Variants in DPYSL5 observed in about 807,000 individuals in gnomAD.
The protein encoded by DPYSL5 is dihydropyrimidinase-related protein 5.
A neutral mutation model predicts 58.4 loss-of-function variants in DPYSL5; 9 were observed. That is an observed-to-expected ratio of 0.15 (90% confidence interval 0.09 to 0.27). DPYSL5 has a LOEUF of 0.27. Among genes scored for constraint, DPYSL5 ranks in the 10% least tolerant of loss-of-function variants. DPYSL5 has a pLI of 1.00. For missense variants in DPYSL5, 499 were observed against 770.6 expected (o/e 0.65, Z 4.17); for synonymous variants, 293 against 301.9 (o/e 0.97, Z 0.31).
In DPYSL5 at chr2:26,934,721, A is replaced by C. The variant is rs1364290714; in HGVS notation, c.934A>C (p.Ser312Arg). The stretch of plus-strand genomic sequence containing the variant: ...CACCAACACCTCAACCTACCTCATG[A>C]GCCTGCTGGCCAAGTAAGGCGTTTC... ...LDTNTSTYLM[S>R]LLANDTLNIV... The change falls in exon 8 of 13, where the codon AGC becomes CGC. Residue 312 changes from serine to arginine, a missense_variant. Ser to Arg is a moderately radical substitution (Grantham distance 110). Transcript: ENST00000288699. The surrounding 1 kb of genome is among the most constrained non-coding windows in gnomAD (Gnocchi z 4.3). 1 of 1,613,954 alleles carries C rather than the reference A, an allele frequency of 6.2e-7. No individual in the cohort carries two copies. Among genetic ancestry groups the C allele is most frequent in the Non-Finnish European group, 8.5e-7 (1 of 1,180,014 alleles).
At chr2:26,870,226 T>A (rs1663226723) in intron 1 of DPYSL5, among the ~76,000 whole-genome samples, 1 of 152,232 alleles carries the variant, frequency 6.6e-6, no homozygotes. Context: ...CGTGTCTTTA[T>A]TACACTTGAG....
At chr2:26,941,679 CAGG>C (rs767862434) in intron 9 of DPYSL5, among the ~76,000 whole-genome samples, 8 of 152,222 alleles carry the variant, frequency 5.3e-5, no homozygotes, top group Non-Finnish European at 7.3e-5. Flanking sequence ...GTTTTACAAA[CAGG>C]AGGCAGATTT....
At chr2:26,928,704 TACACACACACAC>T (rs1553320464) in intron 5 of DPYSL5, among the ~76,000 whole-genome samples, 350 of 62,140 alleles carry the variant, frequency 5.6e-3, no homozygotes, top group Middle Eastern at 0.01. Context: ...TATATATATA[TACACACACACAC>T]ATACATATAT....
At chr2:26,855,065 G>A (rs1165712099) in intron 1 of DPYSL5, among the ~76,000 whole-genome samples, 1 of 151,326 alleles carries the variant, frequency 6.6e-6, no homozygotes, top group Non-Finnish European at 1.5e-5. Context: ...TGATCCGCCC[G>A]CCTCAGCTTC....
rs189187554 is a variant in DPYSL5, at chr2:26,855,650, A to G, written c.-5+7396A>G. ...ACATGTTAGTAGTGCCCGGTACTCAATCACACCATCTTTGTGTCACTCCAG... is the reference window on the plus strand; with the variant it reads ...ACATGTTAGTAGTGCCCGGTACTCAGTCACACCATCTTTGTGTCACTCCAG... On this transcript the variant is annotated intron_variant, in intron 1 of 12. Transcript: ENST00000288699. Among the ~76,000 whole-genome samples, 973 of 152,210 alleles carry G rather than the reference A, an allele frequency of 6.4e-3. 8 individuals carry two copies. Among genetic ancestry groups the G allele is most frequent in the Admixed American group, 9.8e-3 (150 of 15,290 alleles).
intron 2 of DPYSL5, among the ~76,000 whole-genome samples, chr2:26,923,596 A>G (rs1319590475): frequency 6.6e-6 from 1 of 152,200 alleles, no homozygotes; most frequent in African/African-American, 2.4e-5. Flanking sequence ...CACCAGAAAA[A>G]GAGTCACTTT....
chr2:26,852,583 T>C (rs1214776479), intron 1 of DPYSL5, among the ~76,000 whole-genome samples: 1 of 152,222 alleles, frequency 6.6e-6, no homozygotes, highest in Non-Finnish European at 1.5e-5. Flanking sequence ...TGTTCTGTAC[T>C]TGTTCCCTCG....
At chr2:26,928,704 T>TATATACACACAAACACACACACACAC in intron 5 of DPYSL5, among the ~76,000 whole-genome samples, 1 of 62,966 alleles carries the variant, frequency 1.6e-5, no homozygotes, top group Admixed American at 1.2e-4. Context: ...TATATATATA[T>TATATACACACAAACACACACACACAC]ACACACACAC....
chr2:26,883,325 A>G (rs1380031463), intron 1 of DPYSL5, among the ~76,000 whole-genome samples: 1 of 152,150 alleles, frequency 6.6e-6, no homozygotes, highest in Non-Finnish European at 1.5e-5. Context: ...CCTACGTACT[A>G]TAATTCCCAT....
intron 5 of DPYSL5, among the ~76,000 whole-genome samples, chr2:26,928,728 TAC>T (rs1558349247): frequency 2.6e-4 from 15 of 57,706 alleles, no homozygotes; most frequent in African/African-American, 8.7e-4. Context: ...TACATATATA[TAC>T]GCACACACAC....
At chr2:26,941,827 C>A in intron 9 of DPYSL5, 123 bp from the exon 10 acceptor site, 2 of 1,315,154 alleles carry the variant, frequency 1.5e-6, no homozygotes, top group South Asian at 2.8e-5. Context: ...ATGGCCTTGT[C>A]CCTTTGTGAC....
chr2:26,888,839 C>T lies in DPYSL5; in HGVS notation c.-4-9657C>T, dbSNP rs377589155. ...GTTTAGGCTGCTTTAACAAAACTAC[C>T]GTAGACTGGGTGGTTTAAACAACAG... On this transcript the variant is annotated intron_variant, in intron 1 of 12. Transcript: ENST00000288699. 3.3e-5 allele frequency among the ~76,000 whole-genome samples: 5 copies of T among 152,150 alleles called. 1 individual carries two copies. The highest frequency in any genetic ancestry group is 1.5e-5 in the Non-Finnish European group (1 of 68,002).
chr2:26,908,527 C>T (rs1280154404), intron 2 of DPYSL5, among the ~76,000 whole-genome samples: 3 of 152,178 alleles, frequency 2.0e-5, no homozygotes, highest in Non-Finnish European at 2.9e-5. Context: ...CTTCTTAGAA[C>T]TGATGTGAAT....
At chr2:26,946,291 C>T (rs964779705) in intron 12 of DPYSL5, among the ~76,000 whole-genome samples, 1 of 152,242 alleles carries the variant, frequency 6.6e-6, no homozygotes, top group African/African-American at 2.4e-5. Context: ...ATCAGGCAGC[C>T]TGTCCCCTCC....
At chr2:26,868,689 A>G (rs570134292) in intron 1 of DPYSL5, among the ~76,000 whole-genome samples, 4 of 152,328 alleles carry the variant, frequency 2.6e-5, no homozygotes, top group South Asian at 2.1e-4. Context: ...GATACCATAC[A>G]GTTTTAACTA....
intron 1 of DPYSL5, among the ~76,000 whole-genome samples, chr2:26,876,111 A>G (rs1424033678): frequency 6.6e-6 from 1 of 152,170 alleles, no homozygotes; most frequent in African/African-American, 2.4e-5. Context: ...ACCCCAAATA[A>G]TCATTTGCTT....
chr2:26,848,881 G>A (rs527787694), intron 1 of DPYSL5, among the ~76,000 whole-genome samples: 9 of 152,200 alleles, frequency 5.9e-5, no homozygotes, highest in African/African-American at 1.9e-4. Flanking sequence ...TGCCCAGCCC[G>A]GAGCGGGCGC....
intron 2 of DPYSL5, among the ~76,000 whole-genome samples, chr2:26,903,173 G>A (rs532529605): frequency 9.5e-4 from 144 of 151,772 alleles, no homozygotes; most frequent in Middle Eastern, 3.4e-3. Flanking sequence ...GGGTTCACAC[G>A]ATTCTCATGC....
intron 12 of DPYSL5, among the ~76,000 whole-genome samples, chr2:26,946,114 C>T (rs897885595): frequency 3.3e-5 from 5 of 152,174 alleles, no homozygotes; most frequent in Admixed American, 1.3e-4. Context: ...TATGCACACT[C>T]AGGTCTTGCC....
Sources: gnomAD v4.1 joint callset for allele counts (sites outside exome capture counted in the v4.1 genomes callset) on GRCh38, gnomAD v4.1.1 for gene constraint, Gnocchi (gnomAD v3.1) non-coding constraint, MANE v1.5 for transcripts, NCBI Gene and HGNC (gene_info 2026-07-23, HGNC 2026-07-21) for gene names.